Variants in RAB6B observed in about 807,000 individuals in gnomAD.
RAB6B encodes RAB6B, member RAS oncogene family.
A neutral mutation model predicts 31.2 loss-of-function variants in RAB6B; 7 were observed. The observed-to-expected ratio is 0.22, with a 90% CI of 0.13 to 0.42. The LOEUF is 0.42. Among genes scored for constraint, RAB6B ranks in the 10% least tolerant of loss-of-function variants. The pLI is 1.00. For synonymous variants in RAB6B, 105 were observed against 104.9 expected (o/e 1.00, Z -0.01); for missense variants, 149 against 280.6 (o/e 0.53, Z 3.35).
rs115862725 is a variant in RAB6B, at chr3:133,868,137, G to A, written c.71-3495C>T. On this transcript the variant is annotated intron_variant, in intron 1 of 7. Transcript: ENST00000285208. ...CACATAAAGGAGCTAGGTGGGTAAG[G>A]GGTTGTGCTGTGCTAAGCTCCTCTC... Among the ~76,000 whole-genome samples, 422 of 152,248 alleles carry A rather than the reference G, an allele frequency of 2.8e-3. 2 individuals are homozygous for A. The highest frequency in any genetic ancestry group is 9.6e-3 in the African/African-American group (398 of 41,536).
Position 133,845,379 on chromosome 3 carries a change from C to T in RAB6B, c.130-3716G>A, listed in dbSNP as rs143532897. ...CTGGCTCCCCTCTGCCATGTGAGGA[C>T]GCAGTGTTCGTCCCTTCCACCACTG... On this transcript the variant is annotated intron_variant, in intron 2 of 7. Coordinates refer to ENST00000285208, the MANE Select transcript of RAB6B (RefSeq NM_016577.4). 4.3e-3 allele frequency among the ~76,000 whole-genome samples: 659 copies of T among 152,278 alleles called. 2 individuals carry two copies. Among genetic ancestry groups the T allele is most frequent in the Non-Finnish European group, 7.1e-3 (485 of 68,012 alleles).
intron 2 of RAB6B, among the ~76,000 whole-genome samples, chr3:133,854,986 T>C (rs1168337006): frequency 6.6e-6 from 1 of 152,222 alleles, no homozygotes; most frequent in Non-Finnish European, 1.5e-5. Context: ...AAAGAAATAA[T>C]GAAAAGGCAT....
intron 1 of RAB6B, among the ~76,000 whole-genome samples, chr3:133,887,436 G>C (rs1027678933): frequency 2.6e-5 from 4 of 152,202 alleles, no homozygotes; most frequent in African/African-American, 9.6e-5. Flanking sequence ...GTGGGACCCA[G>C]GACAGTTCTG....
At chr3:133,856,437 AAAGC>A (rs551144925) in intron 2 of RAB6B, among the ~76,000 whole-genome samples, 110 of 152,204 alleles carry the variant, frequency 7.2e-4, no homozygotes, top group African/African-American at 2.4e-3. Flanking sequence ...CAAGGCAGAA[AAAGC>A]AAGCAAGAGC....
At chr3:133,870,241 T>C (rs952781341) in intron 1 of RAB6B, among the ~76,000 whole-genome samples, 6 of 152,036 alleles carry the variant, frequency 3.9e-5, no homozygotes, top group Non-Finnish European at 8.8e-5. Context: ...GCAGGGGAAA[T>C]GTCAGATGCT....
At chr3:133,836,816 T>C (rs1935743600) in intron 6 of RAB6B, among the ~76,000 whole-genome samples, 1 of 152,150 alleles carries the variant, frequency 6.6e-6, no homozygotes, top group African/African-American at 2.4e-5. Flanking sequence ...GAGGACACTC[T>C]AGTTAGGGTG....
chr3:133,847,764 G>T (rs756123728), intron 2 of RAB6B, among the ~76,000 whole-genome samples: 44 of 152,200 alleles, frequency 2.9e-4, no homozygotes, highest in Non-Finnish European at 5.4e-4. Context: ...TGAGGACACT[G>T]TATAGTCCAG....
At chr3:133,839,187 T>C (rs1220093606) in intron 5 of RAB6B, among the ~76,000 whole-genome samples, 5 of 152,236 alleles carry the variant, frequency 3.3e-5, no homozygotes, top group African/African-American at 9.6e-5. Context: ...CTGCTGTGTC[T>C]GGGGCAGGGC....
intron 1 of RAB6B, among the ~76,000 whole-genome samples, chr3:133,877,004 T>C (rs1936406602): frequency 6.6e-6 from 1 of 151,972 alleles, no homozygotes; most frequent in African/African-American, 2.4e-5. Flanking sequence ...ACAAGATATA[T>C]GAAACAACAA....
intron 2 of RAB6B, among the ~76,000 whole-genome samples, chr3:133,844,947 G>GA (rs66909707): frequency 0.79 from 115,051 of 145,370 alleles, 47,877 homozygotes; most frequent in Non-Finnish European, 0.95. Context: ...TGGCTCAAAA[G>GA]AAAAAAAAAA....
intron 1 of RAB6B, among the ~76,000 whole-genome samples, chr3:133,891,092 G>A (rs1322198678): frequency 6.6e-6 from 1 of 152,176 alleles, no homozygotes; most frequent in East Asian, 1.9e-4. Context: ...AGGGCTCCCT[G>A]CAGGAGGGCA....
intron 1 of RAB6B, among the ~76,000 whole-genome samples, chr3:133,872,085 A>G (rs1936333753): frequency 6.6e-6 from 1 of 152,218 alleles, no homozygotes; most frequent in African/African-American, 2.4e-5. Flanking sequence ...TGAGCCAGGA[A>G]AAGAATCTCT....
At chr3:133,836,853 C>T (rs1333756941) in intron 6 of RAB6B, among the ~76,000 whole-genome samples, 4 of 151,780 alleles carry the variant, frequency 2.6e-5, no homozygotes, top group African/African-American at 7.3e-5. Context: ...AGCTTTGGGG[C>T]CCCCAGTGTC....
At chr3:133,883,763 C>T (rs1936501104) in intron 1 of RAB6B, among the ~76,000 whole-genome samples, 1 of 152,220 alleles carries the variant, frequency 6.6e-6, no homozygotes. Flanking sequence ...CTTCCTTTCT[C>T]AGAATTAGCA....
In RAB6B at chr3:133,856,053, A is replaced by G. The variant is rs545579077; in HGVS notation, c.129+8531T>C. ...AGCACGCACGAAGATGAGAACCCAC[A>G]GGCCACGACGGCAGAATGGAAAAAG... On this transcript the variant is annotated intron_variant, in intron 2 of 7. Coordinates refer to ENST00000285208, the MANE Select transcript of RAB6B (RefSeq NM_016577.4). Among the ~76,000 whole-genome samples the G allele has an allele frequency of 1.4e-4, 21 of 152,186 alleles. No homozygotes were observed. The South Asian group carries it at 2.9e-3, about 21-fold the overall frequency.
At chr3:133,880,107 G>T (rs1936446108) in intron 1 of RAB6B, among the ~76,000 whole-genome samples, 1 of 152,192 alleles carries the variant, frequency 6.6e-6, no homozygotes, top group Non-Finnish European at 1.5e-5. Flanking sequence ...GAAGGAGGAA[G>T]TTAAATTCCC....
chr3:133,873,843 C>T (rs895010119), intron 1 of RAB6B, among the ~76,000 whole-genome samples: 3 of 152,302 alleles, frequency 2.0e-5, no homozygotes, highest in Non-Finnish European at 2.9e-5. Context: ...TTCCTGATAA[C>T]ATAAACAGTT....
chr3:133,849,763 A>C (rs1347559201), intron 2 of RAB6B, among the ~76,000 whole-genome samples: 1 of 152,210 alleles, frequency 6.6e-6, no homozygotes, highest in Admixed American at 6.5e-5. Flanking sequence ...CTACTGTCAT[A>C]ATCTTATGGT....
chr3:133,885,743 G>C, intron 1 of RAB6B: 1 of 629,162 alleles, frequency 1.6e-6, no homozygotes, highest in Non-Finnish European at 2.9e-6. Flanking sequence ...CTTGCAGAGA[G>C]AGACAATAGT....
Sources: allele counts gnomAD v4.1 joint callset (sites outside exome capture counted in the v4.1 genomes callset), GRCh38; gene constraint gnomAD v4.1.1; transcripts MANE v1.5; gene names NCBI Gene and HGNC (gene_info 2026-07-23, HGNC 2026-07-21).